GLG1: variants seen among roughly 807,000 people sequenced by gnomAD.
The protein encoded by GLG1 is golgi glycoprotein 1, also known as Golgi apparatus protein 1.
A neutral mutation model predicts 160.5 loss-of-function variants in GLG1; 38 were observed. That is an observed-to-expected ratio of 0.24 (90% CI 0.18 to 0.31). The LOEUF is 0.31. Among genes scored for constraint, GLG1 ranks in the 10% least tolerant of loss-of-function variants. The pLI, the probability that GLG1 is intolerant of heterozygous loss-of-function variation, is 1.00. For missense variants in GLG1, 1,373 were observed against 1,505.2 expected, an observed-to-expected ratio of 0.91 and a Z score of 1.45; for synonymous variants, 644 against 543.4, an observed-to-expected ratio of 1.19 and a Z score of -2.57.
intron 6 of GLG1, among the ~76,000 whole-genome samples, chr16:74,493,453 T>C (rs2016075256): frequency 6.6e-6 from 1 of 152,226 alleles, no homozygotes. Context: ...AGCATTCTTT[T>C]CCACTTTAAC....
intron 1 of GLG1, among the ~76,000 whole-genome samples, chr16:74,593,603 T>G (rs1184233696): frequency 1.3e-5 from 2 of 151,578 alleles, no homozygotes; most frequent in East Asian, 3.9e-4. Flanking sequence ...CCTGGCTAAT[T>G]TTTGTATTTT....
At chr16:74,476,741 T>G (rs956304637) in intron 12 of GLG1, among the ~76,000 whole-genome samples, 1 of 152,102 alleles carries the variant, frequency 6.6e-6, no homozygotes, top group African/African-American at 2.4e-5. Flanking sequence ...GGCTGCTCCT[T>G]CCCTCTGCTT....
intron 1 of GLG1, among the ~76,000 whole-genome samples, chr16:74,572,738 C>T (rs1030489684): frequency 1.3e-5 from 2 of 152,086 alleles, no homozygotes; most frequent in African/African-American, 4.8e-5. Context: ...AGAAGTGTTC[C>T]CTTGAGTTCT....
rs150929252 is a variant in GLG1, at chr16:74,473,731, A to G, written c.2052+815T>C. ...TGGGATTACAGGTGTGAGCCACTGC[A>G]CCTGGCCTCTAATCCCATTTTTAAA... On this transcript the variant is annotated intron_variant, in intron 13 of 25. Coordinates refer to ENST00000422840, the MANE Select transcript of GLG1 (RefSeq NM_001145667.2). Among the ~76,000 whole-genome samples the G allele has an allele frequency of 7.2e-3, 1,091 of 151,808 alleles. 2 individuals are homozygous for G. The highest frequency in any genetic ancestry group is 0.011 in the Non-Finnish European group (723 of 67,906).
At chr16:74,498,447 A>AATATATATATATATATATATATAT (rs1491293119) in intron 4 of GLG1, among the ~76,000 whole-genome samples, 1 of 8,206 alleles carries the variant, frequency 1.2e-4, no homozygotes, top group Admixed American at 2.9e-3. Context: ...AAAAAAAAAA[A>AATATATATATATATATATATATAT]GTATATATAT....
chr16:74,559,709 A>T (rs1275658632), intron 1 of GLG1, among the ~76,000 whole-genome samples: 1 of 152,098 alleles, frequency 6.6e-6, no homozygotes, highest in Non-Finnish European at 1.5e-5. Flanking sequence ...CACCGAGATT[A>T]CGTCTTCGTA....
intron 1 of GLG1, among the ~76,000 whole-genome samples, chr16:74,550,484 T>TGG (rs1490193017): frequency 6.6e-6 from 1 of 152,092 alleles, no homozygotes; most frequent in Middle Eastern, 3.2e-3. Context: ...TCATACCATA[T>TGG]GGTGTGGCTT....
At chr16:74,583,669 G>A (rs774055829) in intron 1 of GLG1, among the ~76,000 whole-genome samples, 11 of 152,036 alleles carry the variant, frequency 7.2e-5, no homozygotes, top group Admixed American at 2.0e-4. Flanking sequence ...AGTAAGCCAC[G>A]GCACCCAGCC....
At chr16:74,523,112 A>G (rs2017221807) in intron 2 of GLG1, among the ~76,000 whole-genome samples, 1 of 152,250 alleles carries the variant, frequency 6.6e-6, no homozygotes, top group African/African-American at 2.4e-5. Context: ...GTAGGTGTAT[A>G]TATTTATGGA....
intron 2 of GLG1, among the ~76,000 whole-genome samples, chr16:74,519,487 TA>T (rs908828415): frequency 2.7e-5 from 4 of 150,248 alleles, no homozygotes; most frequent in South Asian, 2.1e-4. Context: ...GTATAATAAT[TA>T]AAAAAAAGTA....
intron 12 of GLG1, among the ~76,000 whole-genome samples, chr16:74,475,329 C>T (rs182421969): frequency 2.2e-4 from 33 of 152,228 alleles, no homozygotes; most frequent in Non-Finnish European, 4.3e-4. Flanking sequence ...TTTAAATATG[C>T]ACTTTAATAA....
intron 4 of GLG1, among the ~76,000 whole-genome samples, chr16:74,502,874 AT>A (rs1162220615): frequency 3.4e-5 from 5 of 149,204 alleles, no homozygotes; most frequent in African/African-American, 7.4e-5. Flanking sequence ...CCGGCCAGTA[AT>A]TTTTTTTATA....
At chr16:74,599,078 T>C (rs1567549802) in intron 1 of GLG1, among the ~76,000 whole-genome samples, 1 of 152,176 alleles carries the variant, frequency 6.6e-6, no homozygotes, top group African/African-American at 2.4e-5. Flanking sequence ...AGCAACTATA[T>C]ACTGTAAAGC....
At chr16:74,569,585 T>C (rs1025574764) in intron 1 of GLG1, among the ~76,000 whole-genome samples, 1 of 152,060 alleles carries the variant, frequency 6.6e-6, no homozygotes, top group Non-Finnish European at 1.5e-5. Flanking sequence ...AATAGTGCCA[T>C]GCACAGTGGC....
At chr16:74,521,303 G>C (rs1220590359) in intron 2 of GLG1, among the ~76,000 whole-genome samples, 1 of 152,088 alleles carries the variant, frequency 6.6e-6, no homozygotes, top group African/African-American at 2.4e-5. Context: ...GGGGTTTTTG[G>C]ACAGAGCAGT....
chr16:74,592,122 T>C (rs1335918288), intron 1 of GLG1, among the ~76,000 whole-genome samples: 3 of 152,170 alleles, frequency 2.0e-5, no homozygotes, highest in Admixed American at 1.3e-4. Flanking sequence ...CCACTGTGCC[T>C]GGCCTTCTGT....
chr16:74,479,524 T>A (rs1003781016), intron 11 of GLG1, among the ~76,000 whole-genome samples: 9 of 152,056 alleles, frequency 5.9e-5, no homozygotes, highest in African/African-American at 2.2e-4. Context: ...GCAACTGATG[T>A]ATGCCATTTC....
chr16:74,580,265 C>A (rs1188948503), intron 1 of GLG1, among the ~76,000 whole-genome samples: 1 of 152,114 alleles, frequency 6.6e-6, no homozygotes, highest in East Asian at 1.9e-4. Context: ...GGGAGGATTG[C>A]TTGAGCCCAG....
At chr16:74,577,852 A>G (rs2019048038) in intron 1 of GLG1, among the ~76,000 whole-genome samples, 1 of 151,870 alleles carries the variant, frequency 6.6e-6, no homozygotes, top group African/African-American at 2.4e-5. Context: ...CCTGAGCTCA[A>G]GTGATTCTTC....
Sources: gnomAD v4.1 joint callset for allele counts (sites outside exome capture counted in the v4.1 genomes callset) on GRCh38, gnomAD v4.1.1 for gene constraint, MANE v1.5 for transcripts, NCBI Gene and HGNC (gene_info 2026-07-23, HGNC 2026-07-21) for gene names.